Variants in CD84 observed in about 807,000 individuals in gnomAD.
The protein encoded by CD84 is CD84 molecule, also known as SLAM family member 5.
Under a neutral mutation model 33.8 loss-of-function variants are expected in CD84, and 22 were observed. The observed-to-expected ratio is 0.65, with a 90% CI of 0.46 to 0.93. The LOEUF is 0.93. CD84 is among the 40% of genes least tolerant of loss of function. The probability of loss-of-function intolerance (pLI) is 0.00; values close to 1 mark genes in which losing one functional copy is unlikely to be tolerated. For missense variants in CD84, 400 were observed against 397.6 expected, an observed-to-expected ratio of 1.01 and a Z score of -0.05; for synonymous variants, 154 against 145.2, an observed-to-expected ratio of 1.06 and a Z score of -0.44.
At chr1:160,553,731 T>C in intron 3 of CD84, 164 bp downstream of exon 3, 1 of 1,157,642 alleles carries the variant, frequency 8.6e-7, no homozygotes. Context: ...CTCAGAAGGC[T>C]TTGGCCTCTT....
chr1:160,561,755 T>C (rs77820108), intron 2 of CD84, among the ~76,000 whole-genome samples: 1 of 152,146 alleles, frequency 6.6e-6, no homozygotes, highest in African/African-American at 2.4e-5. Context: ...ATCCTATATC[T>C]AGAAAACCCC....
In CD84 at chr1:160,542,226, T is replaced by C. The variant is rs1655577961; in HGVS notation, c.*6030A>G. On this transcript the variant is annotated 3_prime_UTR_variant, in exon 7 of 7. Coordinates refer to ENST00000368054, the MANE Select transcript of CD84 (RefSeq NM_003874.4). ...GTTTCCTACTTTGTAAAAGAGAGCA[T>C]GGTTGTATCTTCTTCAGAAGGCAGA... The C allele has an allele frequency of 6.6e-6, 1 of 152,224 alleles. No homozygotes were observed. The highest frequency in any genetic ancestry group is 6.5e-5 in the Admixed American group (1 of 15,280). 9.4% of individuals were successfully genotyped at this position (152,224 alleles called of 1,614,324 possible).
At chr1:160,570,582 CT>C (rs1468016715) in intron 1 of CD84, among the ~76,000 whole-genome samples, 2 of 152,156 alleles carry the variant, frequency 1.3e-5, no homozygotes, top group African/African-American at 4.8e-5. Flanking sequence ...GAGTGGGAAC[CT>C]GGCATGGTGG....
At chr1:160,577,428 G>T (rs1570707) in intron 1 of CD84, among the ~76,000 whole-genome samples, 5,716 of 152,248 alleles carry the variant, frequency 0.038, 180 homozygotes, top group African/African-American at 0.075. Flanking sequence ...AGTAAAGGTG[G>T]ACAGTATGTA....
chr1:160,579,297 A>T, intron 1 of CD84, 95 bp downstream of exon 1: 1 of 1,564,008 alleles, frequency 6.4e-7, no homozygotes, highest in Non-Finnish European at 8.8e-7. Flanking sequence ...GTTCTGCTAA[A>T]CACAGATCAA....
At position 160,579,468 on chromosome 1, in the gene CD84, G is replaced by C; in HGVS notation, c.-31C>G. The stretch of plus-strand genomic sequence containing the variant: ...TCAGGGTCTAACCTTCTGTGGAAAA[G>C]CACGGCACTGTTCTAGCAGAGTCAG... On this transcript the variant is annotated 5_prime_UTR_variant, in exon 1 of 7. Transcript: ENST00000368054. 1.2e-6 allele frequency: 2 copies of C among 1,612,286 alleles called. No individual in the cohort carries two copies. Among genetic ancestry groups the C allele is most frequent in the South Asian group, 1.1e-5 (1 of 90,912 alleles).
intron 1 of CD84, among the ~76,000 whole-genome samples, chr1:160,573,294 A>G (rs1048720428): frequency 6.6e-6 from 1 of 152,164 alleles, no homozygotes; most frequent in Non-Finnish European, 1.5e-5. Context: ...GTGGAATCCA[A>G]AGTCAAATAT....
At chr1:160,568,645 C>A (rs1657475223) in intron 1 of CD84, among the ~76,000 whole-genome samples, 1 of 152,178 alleles carries the variant, frequency 6.6e-6, no homozygotes, top group Non-Finnish European at 1.5e-5. Flanking sequence ...GACAAAGTCT[C>A]ACTCTCTCAC....
At chr1:160,553,334 A>G (rs770075480) in intron 4 of CD84, 44 bp downstream of exon 4, 4 of 1,614,020 alleles carry the variant, frequency 2.5e-6, no homozygotes, top group Non-Finnish European at 3.4e-6. Flanking sequence ...TCCCAGGAGG[A>G]GAGAAGGTGA....
At chr1:160,564,500 G>C (rs1657192653) in intron 2 of CD84, among the ~76,000 whole-genome samples, 1 of 152,114 alleles carries the variant, frequency 6.6e-6, no homozygotes, top group Non-Finnish European at 1.5e-5. Flanking sequence ...GCCCCAAACT[G>C]GAAAGAACTA....
chr1:160,565,312 G>A, intron 2 of CD84, 92 bp downstream of exon 2: 1 of 890,890 alleles, frequency 1.1e-6, no homozygotes, highest in South Asian at 1.7e-5. Flanking sequence ...AAAGATTTAG[G>A]GGACCCAATT....
At chr1:160,550,508 A>G in intron 5 of CD84, 1 of 479,782 alleles carries the variant, frequency 2.1e-6, no homozygotes, top group Non-Finnish European at 2.7e-6. Context: ...CGCTGCTGCT[A>G]GACCAGGAGG....
chr1:160,548,217 T>C lies in CD84; in HGVS notation c.*39A>G. ...CAGGGAACCTGCCAGTATTGGTGGTTGTAACTCAGTTTCCAGAGGGAGAAT... is the reference window on the plus strand; with the variant it reads ...CAGGGAACCTGCCAGTATTGGTGGTCGTAACTCAGTTTCCAGAGGGAGAAT... On this transcript the variant is annotated 3_prime_UTR_variant, in exon 7 of 7. Coordinates refer to ENST00000368054, the MANE Select transcript of CD84 (RefSeq NM_003874.4). 6.2e-7 allele frequency: 1 copy of C among 1,608,412 alleles called. No homozygotes were observed. The highest frequency in any genetic ancestry group is 2.2e-5 in the East Asian group (1 of 44,848).
intron 6 of CD84, among the ~76,000 whole-genome samples, chr1:160,549,442 G>C (rs907574560): frequency 3.3e-5 from 5 of 152,176 alleles, no homozygotes; most frequent in Admixed American, 3.3e-4. Flanking sequence ...TAAGGCACAA[G>C]GCACTTGGCA....
At chr1:160,555,138 TG>T (rs1373271370) in intron 2 of CD84, among the ~76,000 whole-genome samples, 1 of 151,130 alleles carries the variant, frequency 6.6e-6, no homozygotes, top group Middle Eastern at 3.2e-3. Flanking sequence ...TGGAGTGCAG[TG>T]GCATGATCTC....
intron 6 of CD84, 146 bp downstream of exon 6, chr1:160,549,771 C>CAT (rs1656075627): frequency 1.4e-6 from 1 of 714,984 alleles, no homozygotes; most frequent in African/African-American, 1.7e-5. Context: ...GGTGGAAGTA[C>CAT]ATATAGACCA....
At position 160,553,879 on chromosome 1, in the gene CD84, G is replaced by A. The variant is rs759055159; in HGVS notation, c.640+16C>T. On this transcript the variant is annotated intron_variant, in intron 3 of 6. Coordinates refer to ENST00000368054, the MANE Select transcript of CD84 (RefSeq NM_003874.4). ...ATCTCTGAGACTCACCAGGAGAGAT[G>A]GGCAGAGCTGGTTACCTGCACAGAG... The A allele has an allele frequency of 6.8e-6, 11 of 1,614,126 alleles. No homozygotes were observed. Among genetic ancestry groups the A allele is most frequent in the Admixed American group, 5.0e-5 (3 of 60,026 alleles).
rs1325057895 is a variant in CD84 at position 160,544,353 on chromosome 1, C to G, written c.*3903G>C. On this transcript the variant is annotated 3_prime_UTR_variant, in exon 7 of 7. Transcript: ENST00000368054. ...TTTTAGTAGAGACGCGGTTTCACAA[C>G]CTTGGCCAGGCTGGTCTCGAACTCC... is the stretch of plus-strand genomic sequence containing the variant. 1 of 151,790 alleles carries G rather than the reference C, an allele frequency of 6.6e-6. No individual in the cohort carries two copies. The highest frequency in any genetic ancestry group is 1.5e-5 in the Non-Finnish European group (1 of 67,940). 9.4% of individuals were successfully genotyped at this position (151,790 alleles called of 1,614,324 possible). A position where few individuals can be genotyped will look rare whatever the true frequency, so the allele number is the denominator to read the frequency against.
intron 4 of CD84, 118 bp downstream of exon 4, chr1:160,553,260 C>T (rs763022943): frequency 1.0e-5 from 16 of 1,538,626 alleles, no homozygotes; most frequent in Admixed American, 8.9e-5. Context: ...GGGTGGAGAT[C>T]GGAAAAAGGC....
Sources: allele counts gnomAD v4.1 joint callset (sites outside exome capture counted in the v4.1 genomes callset), GRCh38; gene constraint gnomAD v4.1.1; transcripts MANE v1.5; gene names NCBI Gene and HGNC (gene_info 2026-07-23, HGNC 2026-07-21).